Variants in DMD observed in about 807,000 individuals in gnomAD.
DMD encodes the protein dystrophin, also known as mutant dystrophin.
In DMD, 63 loss-of-function variants were observed where a neutral mutation model predicts 330.1. The observed-to-expected ratio is 0.19, with a 90% CI of 0.16 to 0.24. The LOEUF is 0.24. Ranked by LOEUF, DMD falls within the 10% of genes least tolerant of loss-of-function variation. DMD has a pLI of 1.00. For missense variants in DMD, 3,344 were observed against 2,684.1 expected, an observed-to-expected ratio of 1.25 and a Z score of -5.43; for synonymous variants, 1,223 against 959.8, an observed-to-expected ratio of 1.27 and a Z score of -5.07.
chrX:31,357,139 T>C (rs1221525424), intron 60 of DMD, among the ~76,000 whole-genome samples: 1 of 111,693 alleles, frequency 9.0e-6, no homozygotes, highest in Non-Finnish European at 1.9e-5. Flanking sequence ...ATTCCAGCCT[T>C]AGCTATTTAT....
At chrX:31,522,783 T>C (rs1022899917) in intron 55 of DMD, among the ~76,000 whole-genome samples, 2 of 110,844 alleles carry the variant, frequency 1.8e-5, no homozygotes, top group Non-Finnish European at 3.8e-5. Context: ...TGTCACTTAG[T>C]GATAGGGTGT....
chrX:33,078,853 T>G (rs1301987712), intron 1 of DMD, among the ~76,000 whole-genome samples: 1 of 111,639 alleles, frequency 9.0e-6, no homozygotes, highest in Non-Finnish European at 1.9e-5. Flanking sequence ...TATAGAAGTT[T>G]CCCATAATTT....
At chrX:33,310,974 C>T (rs947362813) in intron 1 of DMD, among the ~76,000 whole-genome samples, 1 of 110,364 alleles carries the variant, frequency 9.1e-6, no homozygotes, top group Non-Finnish European at 1.9e-5. Context: ...AAGAATGAAT[C>T]GAGAGTTTTG....
chrX:31,508,243 G>C (rs1367889146), intron 55 of DMD: 1 of 1,207,095 alleles, frequency 8.3e-7, no homozygotes, highest in Admixed American at 2.2e-5. Context: ...AACATTTTCA[G>C]CTTGAACCGG....
At chrX:32,122,755 C>T (rs1462987667) in intron 44 of DMD, among the ~76,000 whole-genome samples, 1 of 110,970 alleles carries the variant, frequency 9.0e-6, no homozygotes, top group Non-Finnish European at 1.9e-5. Context: ...CTAATGTGAA[C>T]CTTTTTTCTC....
At chrX:31,694,574 T>G (rs1486930471) in intron 52 of DMD, among the ~76,000 whole-genome samples, 2 of 94,384 alleles carry the variant, frequency 2.1e-5, no homozygotes, top group African/African-American at 7.9e-5. Flanking sequence ...AATAAAAAAA[T>G]GGGCAAATAT....
At chrX:32,664,365 C>G (rs1181911094) in intron 9 of DMD, among the ~76,000 whole-genome samples, 6 of 108,720 alleles carry the variant, frequency 5.5e-5, no homozygotes, top group African/African-American at 2.0e-4. Context: ...CCTCAGCCTC[C>G]CGAGTAGCTG....
chrX:31,451,964 A>G (rs957118263), intron 59 of DMD, among the ~76,000 whole-genome samples: 1 of 110,960 alleles, frequency 9.0e-6, no homozygotes, highest in African/African-American at 3.3e-5. Context: ...CAATTCTTGT[A>G]AACTTTCATA....
At chrX:33,206,258 G>A (rs1379390746) in intron 1 of DMD, among the ~76,000 whole-genome samples, 2 of 111,994 alleles carry the variant, frequency 1.8e-5, no homozygotes, top group African/African-American at 6.5e-5. Flanking sequence ...TCATCAATTT[G>A]CTAGCATTTT....
chrX:31,910,887 T>C (rs2094539379), intron 47 of DMD, among the ~76,000 whole-genome samples: 1 of 112,269 alleles, frequency 8.9e-6, no homozygotes, highest in Non-Finnish European at 1.9e-5. Flanking sequence ...AGAAGATTTC[T>C]ATAGCTGAAT....
intron 51 of DMD, among the ~76,000 whole-genome samples, chrX:31,738,336 T>C (rs746836959): frequency 8.9e-6 from 1 of 112,180 alleles, no homozygotes; most frequent in East Asian, 2.8e-4. Context: ...CACTGAATCA[T>C]TGATAACCAG....
At chrX:32,922,068 A>G (rs1254804518) in intron 2 of DMD, among the ~76,000 whole-genome samples, 1 of 110,814 alleles carries the variant, frequency 9.0e-6, no homozygotes, top group African/African-American at 3.3e-5. Context: ...ATGCATCACC[A>G]AGGCTTACAC....
intron 44 of DMD, among the ~76,000 whole-genome samples, chrX:32,066,805 G>A (rs997839798): frequency 1.8e-5 from 2 of 111,217 alleles, no homozygotes; most frequent in Admixed American, 9.6e-5. Flanking sequence ...AACATTTTTC[G>A]GATGCACAAA....
chrX:32,560,070 A>C (rs930065474), intron 16 of DMD, among the ~76,000 whole-genome samples: 1 of 110,958 alleles, frequency 9.0e-6, no homozygotes, highest in Non-Finnish European at 1.9e-5. Flanking sequence ...AATATTCACA[A>C]AATGGGAATG....
rs1039618597 is a variant in DMD at position 32,462,598 on chromosome X, T to TTG, written c.3432+839_3432+840dup. 1.4e-4 allele frequency among the ~76,000 whole-genome samples: 15 copies of TTG among 105,483 alleles called. No homozygotes were observed. In the East Asian group the frequency reaches 4.2e-3, roughly 30 times the overall value. 91.6% of individuals were successfully genotyped at this position (105,483 alleles called of 115,157 possible). ...ACTCAAATATGAGTGTACAGTCATT[T>TTG]TGTGTGTGTTTTTTTTTGAAATTCA... On this transcript the variant is annotated intron_variant, in intron 25 of 78. Coordinates refer to ENST00000357033, the MANE Select transcript of DMD (RefSeq NM_004006.3).
chrX:31,799,500 T>C (rs1016287815), intron 50 of DMD, among the ~76,000 whole-genome samples: 1 of 111,194 alleles, frequency 9.0e-6, no homozygotes, highest in Non-Finnish European at 1.9e-5. Flanking sequence ...TTCAATTACC[T>C]CTCACTGGGT....
chrX:31,880,423 G>GA (rs955380290), intron 47 of DMD, among the ~76,000 whole-genome samples: 10 of 111,211 alleles, frequency 9.0e-5, no homozygotes, highest in African/African-American at 3.3e-4. Context: ...GTAAAAAAAG[G>GA]AAAAATCTAC....
At chrX:31,695,151 A>C (rs947085294) in intron 52 of DMD, among the ~76,000 whole-genome samples, 6 of 111,552 alleles carry the variant, frequency 5.4e-5, no homozygotes, top group African/African-American at 1.9e-4. Flanking sequence ...CATTACATTA[A>C]ATGAAATAAG....
chrX:31,733,863 C>A (rs1392313900), intron 51 of DMD, among the ~76,000 whole-genome samples: 1 of 111,003 alleles, frequency 9.0e-6, no homozygotes, highest in East Asian at 2.8e-4. Context: ...CCATTTTATA[C>A]TGGCTTGGAT....
Sources: gnomAD v4.1 joint callset for allele counts (sites outside exome capture counted in the v4.1 genomes callset) on GRCh38, gnomAD v4.1.1 for gene constraint, MANE v1.5 for transcripts, NCBI Gene and HGNC (gene_info 2026-07-23, HGNC 2026-07-21) for gene names.